SLC14A2: variants seen among roughly 807,000 people sequenced by gnomAD.
The protein encoded by SLC14A2 is urea transporter 2.
Under a neutral mutation model 104.6 loss-of-function variants are expected in SLC14A2, and 91 were observed. The observed-to-expected ratio is 0.87, with a 90% CI of 0.73 to 1.04. The LOEUF is 1.04. Ranked by LOEUF, SLC14A2 falls within the 50% of genes least tolerant of loss-of-function variation. The pLI is 0.00. For synonymous variants in SLC14A2, 476 were observed against 466.4 expected (o/e 1.02, Z -0.27); for missense variants, 1,189 against 1,156.0 (o/e 1.03, Z -0.41).
At chr18:45,551,228 A>T (rs2044051136) in intron 2 of SLC14A2, among the ~76,000 whole-genome samples, 2 of 152,210 alleles carry the variant, frequency 1.3e-5, no homozygotes, top group African/African-American at 2.4e-5. Flanking sequence ...GAATTTTAAA[A>T]AAAAGAACTC....
chr18:45,298,815 C>A (rs185710255), intron 1 of SLC14A2, among the ~76,000 whole-genome samples: 1 of 152,184 alleles, frequency 6.6e-6, no homozygotes, highest in Non-Finnish European at 1.5e-5. Context: ...GAGTGGGGGA[C>A]CTTGTGCCCC....
At chr18:45,335,896 A>G (rs1176266686) in intron 1 of SLC14A2, among the ~76,000 whole-genome samples, 1 of 152,198 alleles carries the variant, frequency 6.6e-6, no homozygotes, top group South Asian at 2.1e-4. Context: ...TTCCCTGGCC[A>G]GAACAGGTAG....
intron 2 of SLC14A2, among the ~76,000 whole-genome samples, chr18:45,595,406 GTT>G (rs34560576): frequency 4.2e-5 from 6 of 143,736 alleles, no homozygotes; most frequent in African/African-American, 5.1e-5. Context: ...ATTTTGCTGG[GTT>G]TTTTTTTTTT....
chr18:45,395,598 AC>A (rs1484819970), intron 1 of SLC14A2, among the ~76,000 whole-genome samples: 3 of 152,066 alleles, frequency 2.0e-5, no homozygotes, highest in South Asian at 2.1e-4. Context: ...TCTAATCCAA[AC>A]TTTTTTTTTG....
At chr18:45,589,717 C>A (rs974497471) in intron 2 of SLC14A2, among the ~76,000 whole-genome samples, 11 of 152,210 alleles carry the variant, frequency 7.2e-5, no homozygotes, top group African/African-American at 2.4e-4. Context: ...TCATGAAAAC[C>A]CTATTAAATT....
intron 2 of SLC14A2, among the ~76,000 whole-genome samples, chr18:45,490,808 A>G (rs1174072880): frequency 6.6e-6 from 1 of 152,248 alleles, no homozygotes; most frequent in Non-Finnish European, 1.5e-5. Context: ...AGAAAAACAA[A>G]ATATTAAAGC....
chr18:45,615,124 G>A (rs1176609956), upstream of SLC14A2: 1 of 152,188 alleles, frequency 6.6e-6, no homozygotes, highest in Non-Finnish European at 1.5e-5. Flanking sequence ...CTGGCTCATA[G>A]GTGGAAGGGA....
intron 1 of SLC14A2, among the ~76,000 whole-genome samples, chr18:45,449,376 C>T (rs943066350): frequency 6.6e-6 from 1 of 152,224 alleles, no homozygotes; most frequent in Non-Finnish European, 1.5e-5. Context: ...AAGCCTTCTC[C>T]TGACCCCAAC....
chr18:45,661,666 G>T (rs1010936716), intron 10 of SLC14A2, among the ~76,000 whole-genome samples: 6 of 152,180 alleles, frequency 3.9e-5, no homozygotes, highest in African/African-American at 1.4e-4. Context: ...GGATGACTAG[G>T]GTAGCAGACA....
At position 45,293,274 on chromosome 18, in the gene SLC14A2, T is replaced by G. The variant is rs75777651; in HGVS notation, c.-125+80083T>G. Reference sequence around the variant, plus strand: ...TTAAGTCTGGTGTTATTTCATTCATTCATTCATTCATGTATTCATTCATAA... The same window carrying G: ...TTAAGTCTGGTGTTATTTCATTCATGCATTCATTCATGTATTCATTCATAA... On this transcript the variant is annotated intron_variant, in intron 1 of 20. Coordinates refer to the SLC14A2 transcript ENST00000586448. Among the ~76,000 whole-genome samples the G allele has an allele frequency of 8.1e-3, 1,238 of 152,278 alleles. 14 individuals carry two copies. The highest frequency in any genetic ancestry group is 0.027 in the African/African-American group (1,122 of 41,544).
intron 1 of SLC14A2, among the ~76,000 whole-genome samples, chr18:45,394,023 A>T (rs1196818809): frequency 1.3e-5 from 2 of 152,212 alleles, no homozygotes; most frequent in Non-Finnish European, 2.9e-5. Flanking sequence ...GATGGTCTGA[A>T]TTCATTCAGG....
chr18:45,592,811 T>C (rs1469500597), intron 2 of SLC14A2, among the ~76,000 whole-genome samples: 1 of 152,208 alleles, frequency 6.6e-6, no homozygotes, highest in South Asian at 2.1e-4. Context: ...TGCTCTCCCA[T>C]GTCTGGGTTA....
At chr18:45,338,346 G>A (rs748523421) in intron 1 of SLC14A2, among the ~76,000 whole-genome samples, 6 of 152,046 alleles carry the variant, frequency 3.9e-5, no homozygotes, top group South Asian at 2.1e-4. Flanking sequence ...GACTACAGGC[G>A]CTTGCCACCA....
At chr18:45,175,847 G>T in the SLC14A2 span, among the ~76,000 whole-genome samples, 1 of 152,142 alleles carries the variant, frequency 6.6e-6, no homozygotes, top group South Asian at 2.1e-4. Context: ...TTATCAGCTT[G>T]CTGTGCCCTT....
intron 1 of SLC14A2, among the ~76,000 whole-genome samples, chr18:45,282,449 C>T (rs149563417): frequency 1.2e-3 from 178 of 152,262 alleles, no homozygotes; most frequent in African/African-American, 4.0e-3. Flanking sequence ...ACTTTTCCAC[C>T]GCACCAACAT....
At chr18:45,618,536 G>C (rs1227658111) in intron 1 of SLC14A2, among the ~76,000 whole-genome samples, 1 of 151,918 alleles carries the variant, frequency 6.6e-6, no homozygotes, top group Non-Finnish European at 1.5e-5. Flanking sequence ...AGGCGTGGTG[G>C]CAGGCGCCTG....
At chr18:45,279,104 A>G (rs2144137522) in intron 1 of SLC14A2, among the ~76,000 whole-genome samples, 1 of 152,338 alleles carries the variant, frequency 6.6e-6, no homozygotes, top group East Asian at 1.9e-4. Flanking sequence ...TCTGCAGGCC[A>G]CATGGAGGGT....
intron 1 of SLC14A2, among the ~76,000 whole-genome samples, chr18:45,393,615 T>C (rs2085996074): frequency 6.6e-6 from 1 of 152,152 alleles, no homozygotes; most frequent in Admixed American, 6.5e-5. Flanking sequence ...AGCTGGAAGC[T>C]CTTGAGAGTA....
At chr18:45,484,796 G>C (rs1329107363) in intron 2 of SLC14A2, among the ~76,000 whole-genome samples, 2 of 151,742 alleles carry the variant, frequency 1.3e-5, no homozygotes, top group Non-Finnish European at 1.5e-5. Context: ...CTTTTTTTGA[G>C]TGTGCGTGTG....
Sources: gnomAD v4.1 joint callset for allele counts (sites outside exome capture counted in the v4.1 genomes callset) on GRCh38, gnomAD v4.1.1 for gene constraint, MANE v1.5 for transcripts, NCBI Gene and HGNC (gene_info 2026-07-23, HGNC 2026-07-21) for gene names.